Variants in GALNTL6 observed in about 807,000 individuals in gnomAD.
GALNTL6 encodes the protein polypeptide N-acetylgalactosaminyltransferase like 6, also known as polypeptide N-acetylgalactosaminyltransferase-like 6.
Under a neutral mutation model 73.7 loss-of-function variants are expected in GALNTL6, and 46 were observed. That is an observed-to-expected ratio of 0.62 (90% CI 0.49 to 0.80). The LOEUF (loss-of-function observed/expected upper bound fraction) is 0.80. Ranked by LOEUF, GALNTL6 falls within the 30% of genes least tolerant of loss-of-function variation. The pLI is 0.00. For missense variants in GALNTL6, 604 were observed against 755.0 expected (o/e 0.80, Z 2.34); for synonymous variants, 259 against 263.7 (o/e 0.98, Z 0.17).
intron 11 of GALNTL6, among the ~76,000 whole-genome samples, chr4:173,015,046 G>T (rs556054186): frequency 5.6e-4 from 85 of 152,224 alleles, no homozygotes; most frequent in African/African-American, 1.9e-3. Context: ...TCTATAAGGC[G>T]CTTTTCCCCC....
chr4:172,656,224 A>G (rs754498342), intron 5 of GALNTL6, among the ~76,000 whole-genome samples: 12 of 152,010 alleles, frequency 7.9e-5, no homozygotes, highest in Non-Finnish European at 1.6e-4. Context: ...ATCTGATTGG[A>G]TCCTGGACAC....
At chr4:172,813,897 G>A (rs1425640363) in intron 7 of GALNTL6, among the ~76,000 whole-genome samples, 174 bp downstream of exon 7, 2 of 152,154 alleles carry the variant, frequency 1.3e-5, no homozygotes, top group African/African-American at 4.8e-5. Flanking sequence ...ATTACAAGCT[G>A]TATCGAATTC....
chr4:172,191,070 C>T (rs1242094319), intron 2 of GALNTL6, among the ~76,000 whole-genome samples: 2 of 152,220 alleles, frequency 1.3e-5, no homozygotes, highest in African/African-American at 4.8e-5. Context: ...AAATATGCAA[C>T]TCAGAAGAGA....
chr4:172,032,243 T>C (rs923657083), intron 2 of GALNTL6, among the ~76,000 whole-genome samples: 2 of 152,058 alleles, frequency 1.3e-5, no homozygotes, highest in Non-Finnish European at 2.9e-5. Flanking sequence ...CACTAAACTT[T>C]GGGAGTAAAA....
At chr4:172,640,596 C>T (rs983384887) in intron 5 of GALNTL6, among the ~76,000 whole-genome samples, 29 of 152,102 alleles carry the variant, frequency 1.9e-4, no homozygotes, top group Non-Finnish European at 8.8e-5. Context: ...GTCAGCTTCT[C>T]GCTGTGACTT....
At chr4:172,706,774 G>T (rs1425666258) in intron 5 of GALNTL6, among the ~76,000 whole-genome samples, 2 of 152,262 alleles carry the variant, frequency 1.3e-5, no homozygotes, top group African/African-American at 4.8e-5. Flanking sequence ...AGGCTAGTTT[G>T]GAGTTTGTGC....
chr4:172,583,908 A>AG (rs2110980296), intron 5 of GALNTL6, among the ~76,000 whole-genome samples: 1 of 151,378 alleles, frequency 6.6e-6, no homozygotes, highest in African/African-American at 2.4e-5. Context: ...AAAAAAAAAA[A>AG]AAAAAAAAAA....
At chr4:172,985,260 A>T (rs1238719816) in intron 10 of GALNTL6, among the ~76,000 whole-genome samples, 2 of 152,080 alleles carry the variant, frequency 1.3e-5, no homozygotes, top group South Asian at 2.1e-4. Context: ...ATGACCTGCA[A>T]AAAGTTCTAG....
chr4:172,114,472 T>G (rs922062519), intron 2 of GALNTL6, among the ~76,000 whole-genome samples: 1 of 151,994 alleles, frequency 6.6e-6, no homozygotes, highest in African/African-American at 2.4e-5. Context: ...TCTATAGAAA[T>G]AAAGGGATTG....
At chr4:171,949,316 T>G (rs995899969) in intron 2 of GALNTL6, among the ~76,000 whole-genome samples, 1 of 152,218 alleles carries the variant, frequency 6.6e-6, no homozygotes, top group African/African-American at 2.4e-5. Context: ...ACCTGGGCTC[T>G]TTCTTGAGTG....
chr4:172,038,117 C>CAAA (rs5864107), intron 2 of GALNTL6, among the ~76,000 whole-genome samples: 149 of 146,008 alleles, frequency 1.0e-3, no homozygotes, highest in South Asian at 8.4e-3. Flanking sequence ...GACTCTGTCT[C>CAAA]AAAAAAAAAA....
At chr4:172,562,105 A>G (rs1290849572) in intron 5 of GALNTL6, among the ~76,000 whole-genome samples, 1 of 152,204 alleles carries the variant, frequency 6.6e-6, no homozygotes, top group Non-Finnish European at 1.5e-5. Context: ...AGAATTAAAA[A>G]GAAGACAAAT....
intron 2 of GALNTL6, among the ~76,000 whole-genome samples, chr4:172,228,492 A>G (rs1441685306): frequency 6.6e-6 from 1 of 152,134 alleles, no homozygotes; most frequent in Admixed American, 6.5e-5. Flanking sequence ...TTTATAAGCT[A>G]TGAAGATGGG....
At chr4:172,287,484 A>G (rs1739304363) in intron 3 of GALNTL6, among the ~76,000 whole-genome samples, 1 of 152,236 alleles carries the variant, frequency 6.6e-6, no homozygotes, top group Non-Finnish European at 1.5e-5. Flanking sequence ...GAATTTATAC[A>G]TTACACACAT....
chr4:173,028,423 T>C (rs1753321388), intron 12 of GALNTL6, among the ~76,000 whole-genome samples: 1 of 152,168 alleles, frequency 6.6e-6, no homozygotes, highest in African/African-American at 2.4e-5. Flanking sequence ...TAATTTTTAC[T>C]TTCTTTCTTT....
chr4:171,921,097 G>A (rs1240609175), intron 2 of GALNTL6, among the ~76,000 whole-genome samples: 1 of 151,926 alleles, frequency 6.6e-6, no homozygotes, highest in Non-Finnish European at 1.5e-5. Flanking sequence ...GAAAACTGAT[G>A]AGTCATGCTT....
intron 2 of GALNTL6, among the ~76,000 whole-genome samples, chr4:172,198,279 C>CAA (rs71592054): frequency 7.0e-5 from 10 of 143,582 alleles, no homozygotes; most frequent in African/African-American, 2.5e-4. Flanking sequence ...ATCTGCACAT[C>CAA]AAAAAAAAAA....
intron 2 of GALNTL6, among the ~76,000 whole-genome samples, chr4:171,821,089 G>A (rs1294617757): frequency 2.0e-5 from 3 of 152,098 alleles, no homozygotes; most frequent in Non-Finnish European, 2.9e-5. Flanking sequence ...CAGCTAGAGT[G>A]CAGTGGTGCA....
At chr4:172,458,172 T>G (rs1579089638) in intron 5 of GALNTL6, among the ~76,000 whole-genome samples, 1 of 151,870 alleles carries the variant, frequency 6.6e-6, no homozygotes, top group Non-Finnish European at 1.5e-5. Context: ...TTGAAACCAA[T>G]GAGAACAAAG....
Sources: allele counts gnomAD v4.1 joint callset (sites outside exome capture counted in the v4.1 genomes callset), GRCh38; gene constraint gnomAD v4.1.1; transcripts MANE v1.5; gene names NCBI Gene and HGNC (gene_info 2026-07-23, HGNC 2026-07-21).